Variants in IL13RA1 observed in about 807,000 individuals in gnomAD.
IL13RA1 encodes the protein interleukin 13 receptor subunit alpha 1.
In IL13RA1, 14 loss-of-function variants were observed where a neutral mutation model predicts 33.8. That is an observed-to-expected ratio of 0.41 (90% CI 0.27 to 0.65). The LOEUF is 0.65. Ranked by LOEUF, IL13RA1 falls within the 30% of genes least tolerant of loss-of-function variation. IL13RA1 has a pLI of 0.28. For missense variants in IL13RA1, 313 were observed against 327.0 expected (o/e 0.96, Z 0.33); for synonymous variants, 116 against 115.7 (o/e 1.00, Z -0.02).
chrX:118,789,078 G>T (rs375183356), intron 10 of IL13RA1, among the ~76,000 whole-genome samples: 3 of 112,503 alleles, frequency 2.7e-5, no homozygotes, highest in African/African-American at 9.7e-5. Context: ...TATTCTACCT[G>T]TATTGACAAA....
intron 6 of IL13RA1, 38 bp downstream of exon 6, chrX:118,761,327 T>C: frequency 1.5e-6 from 1 of 671,224 alleles, no homozygotes; most frequent in Non-Finnish European, 2.2e-6. Flanking sequence ...TTGGCTATTT[T>C]TCTTTTACTT....
At position 118,792,650 on chromosome X, in the gene IL13RA1, A is replaced by G. The variant is rs1195111212; in HGVS notation, c.*796A>G. Reference sequence around the variant, plus strand: ...GACAGAGCAAGACTCTGTCTAAAAAACAAAACAAAACAAAACAAAACAAAA... The same window carrying G: ...GACAGAGCAAGACTCTGTCTAAAAAGCAAAACAAAACAAAACAAAACAAAA... On this transcript the variant is annotated 3_prime_UTR_variant, in exon 11 of 11. Coordinates refer to ENST00000371666, the MANE Select transcript of IL13RA1 (RefSeq NM_001560.3). 1 of 111,466 alleles carries G rather than the reference A, an allele frequency of 9.0e-6. No individual in the cohort carries two copies. The highest frequency in any genetic ancestry group is 3.8e-4 in the South Asian group (1 of 2,648). The allele number at this position is 111,466 out of a possible 1,213,427, so 9.2% of individuals were successfully genotyped here. A position where few individuals can be genotyped will look rare whatever the true frequency, so the allele number is the denominator to read the frequency against.
At chrX:118,728,308 A>G (rs1265420639) in intron 1 of IL13RA1, among the ~76,000 whole-genome samples, 1 of 112,643 alleles carries the variant, frequency 8.9e-6, no homozygotes, top group South Asian at 3.7e-4. Flanking sequence ...CGTGACGCTC[A>G]TGACCTCCTC....
At chrX:118,797,506 T>TA (rs1258661030), downstream of IL13RA1, among the ~76,000 whole-genome samples, 3 of 112,087 alleles carry the variant, frequency 2.7e-5, no homozygotes, top group South Asian at 3.7e-4. Flanking sequence ...GCTTATCATT[T>TA]AAAAAAAGCA....
At chrX:118,803,630 C>A in the IL13RA1 span, among the ~76,000 whole-genome samples, 1 of 111,576 alleles carries the variant, frequency 9.0e-6, no homozygotes, top group East Asian at 2.8e-4. Context: ...AATCAGGATC[C>A]AATAAGGCTC....
intron 4 of IL13RA1, among the ~76,000 whole-genome samples, chrX:118,754,812 A>G (rs1035142725): frequency 9.0e-6 from 1 of 110,637 alleles, no homozygotes; most frequent in Non-Finnish European, 1.9e-5. Context: ...CACAAAAGAA[A>G]GGGAGTCAAG....
chrX:118,790,653 G>A (rs191528206), intron 10 of IL13RA1, among the ~76,000 whole-genome samples: 50 of 111,198 alleles, frequency 4.5e-4, no homozygotes, highest in African/African-American at 1.4e-3. Flanking sequence ...TGGAATTGTC[G>A]GTATTTTTAA....
downstream of IL13RA1, among the ~76,000 whole-genome samples, chrX:118,799,040 C>G (rs750310287): frequency 1.4e-3 from 158 of 111,947 alleles, no homozygotes; most frequent in African/African-American, 5.0e-3. Flanking sequence ...TGGCGGGGCC[C>G]GCACTCGGAG....
chrX:118,740,112 T>C lies in IL13RA1; in HGVS notation c.89-905T>C, dbSNP rs146852199. ...CCCAGTACCTGGGACTATAGGCATGTACCAGCATGTTTGGCTAACTTTTGT... is the reference window on the plus strand; with the variant it reads ...CCCAGTACCTGGGACTATAGGCATGCACCAGCATGTTTGGCTAACTTTTGT... On this transcript the variant is annotated intron_variant, in intron 1 of 10. Transcript: ENST00000371666. Among the ~76,000 whole-genome samples, 1,030 of 112,094 alleles carry C rather than the reference T, an allele frequency of 9.2e-3. 34 individuals are homozygous for C. Among genetic ancestry groups the C allele is most frequent in the East Asian group, 0.061 (215 of 3,517 alleles).
intron 9 of IL13RA1, among the ~76,000 whole-genome samples, chrX:118,774,455 C>T (rs910364586): frequency 8.0e-5 from 9 of 111,983 alleles, no homozygotes; most frequent in African/African-American, 2.9e-4. Flanking sequence ...AGCCGCTATG[C>T]CCACTTTCTA....
At chrX:118,729,918 C>T (rs147576973) in intron 1 of IL13RA1, among the ~76,000 whole-genome samples, 26 of 112,196 alleles carry the variant, frequency 2.3e-4, no homozygotes, top group African/African-American at 7.8e-4. Flanking sequence ...GCAGAAAAGA[C>T]GAGAGTCCTT....
chrX:118,747,843 T>C (rs1720469640), intron 3 of IL13RA1, among the ~76,000 whole-genome samples: 1 of 110,322 alleles, frequency 9.1e-6, no homozygotes, highest in Non-Finnish European at 1.9e-5. Context: ...TGCCAGCTAC[T>C]AGCTGTGTAA....
At chrX:118,787,821 C>T (rs1377246328) in intron 10 of IL13RA1, among the ~76,000 whole-genome samples, 2 of 111,947 alleles carry the variant, frequency 1.8e-5, no homozygotes, top group Non-Finnish European at 3.8e-5. Flanking sequence ...TGGTTATCTC[C>T]CTTGTTCCCT....
At chrX:118,790,739 C>T (rs2017966329) in intron 10 of IL13RA1, among the ~76,000 whole-genome samples, 1 of 111,566 alleles carries the variant, frequency 9.0e-6, no homozygotes, top group South Asian at 3.7e-4. Context: ...GCAGTGTTTC[C>T]CAACTCATCC....
At chrX:118,747,349 ACG>A (rs1187974069) in intron 3 of IL13RA1, among the ~76,000 whole-genome samples, 2 of 110,159 alleles carry the variant, frequency 1.8e-5, no homozygotes, top group East Asian at 2.8e-4. Context: ...ATACACATGC[ACG>A]CGCGCGCACA....
chrX:118,786,717 C>T lies in IL13RA1; in HGVS notation c.1192-5045C>T, dbSNP rs189349332. On this transcript the variant is annotated intron_variant, in intron 10 of 10. Coordinates refer to ENST00000371666, the MANE Select transcript of IL13RA1 (RefSeq NM_001560.3). ...CTTTGATCTAGGCTTTCTTTTTTGT[C>T]GCTCTTGTCCCTGTCCTGACTAATT... Among the ~76,000 whole-genome samples, 71 of 111,586 alleles carry T rather than the reference C, an allele frequency of 6.4e-4. 1 individual carries two copies. Among genetic ancestry groups the T allele is most frequent in the Middle Eastern group, 4.7e-3 (1 of 215 alleles).
chrX:118,765,213 T>G (rs939447269), intron 6 of IL13RA1, among the ~76,000 whole-genome samples: 7 of 111,365 alleles, frequency 6.3e-5, no homozygotes, highest in Non-Finnish European at 1.1e-4. Context: ...TTCTCCTGTC[T>G]TAGCGTGCGG....
intron 1 of IL13RA1, among the ~76,000 whole-genome samples, chrX:118,735,171 C>A (rs1191312033): frequency 9.1e-6 from 1 of 109,905 alleles, no homozygotes. Flanking sequence ...GAGTAAAGTT[C>A]TCATTTTCAT....
intron 4 of IL13RA1, among the ~76,000 whole-genome samples, chrX:118,752,807 T>C (rs186102804): frequency 5.4e-4 from 61 of 112,231 alleles, no homozygotes; most frequent in African/African-American, 1.2e-3. Flanking sequence ...AGGAATATTA[T>C]GGTTCATGAA....
Sources: gnomAD v4.1 joint callset for allele counts (sites outside exome capture counted in the v4.1 genomes callset) on GRCh38, gnomAD v4.1.1 for gene constraint, MANE v1.5 for transcripts, NCBI Gene and HGNC (gene_info 2026-07-23, HGNC 2026-07-21) for gene names.